IL4I1: variants seen among roughly 807,000 people sequenced by gnomAD.
IL4I1 encodes the protein L-amino-acid oxidase.
In IL4I1, 24 loss-of-function variants were observed where a neutral mutation model predicts 29.7. The ratio of observed to expected loss-of-function variants is 0.81; its 90% CI spans 0.59 to 1.14. The LOEUF (loss-of-function observed/expected upper bound fraction) is 1.14. Among genes scored for constraint, IL4I1 ranks in the 50% most tolerant of loss-of-function variants. The pLI is 0.00. For synonymous variants in IL4I1, 371 were observed against 352.5 expected (o/e 1.05, Z -0.59); for missense variants, 686 against 785.6 (o/e 0.87, Z 1.52).
At chr19:49,907,818 G>A (rs1034607016) in intron 2 of IL4I1, 6 of 333,324 alleles carry the variant, frequency 1.8e-5, no homozygotes, top group Admixed American at 4.7e-5. Flanking sequence ...TTACAGGGGT[G>A]AGCCACTGCG....
At chr19:49,900,133 G>A (rs551596321), upstream of IL4I1, among the ~76,000 whole-genome samples, 11 of 151,146 alleles carry the variant, frequency 7.3e-5, no homozygotes, top group South Asian at 2.1e-4. Context: ...CACTATGCCC[G>A]GCCCCTTTGA....
chr19:49,895,376 C>A (rs990974964), intron 3 of IL4I1, among the ~76,000 whole-genome samples, 196 bp from the exon 4 acceptor site: 1 of 152,196 alleles, frequency 6.6e-6, no homozygotes, highest in Non-Finnish European at 1.5e-5. Context: ...AGGAGGAAGG[C>A]TGCCAGCTAG....
chr19:49,912,175 T>C (rs2075482846), intron 2 of IL4I1, among the ~76,000 whole-genome samples: 1 of 150,350 alleles, frequency 6.7e-6, no homozygotes, highest in African/African-American at 2.4e-5. Context: ...CCTTTTTTTT[T>C]TTTTTTTTTT....
In IL4I1 at chr19:49,892,226, C is replaced by T. The variant is rs919619786; in HGVS notation, c.568-753G>A. ...CCTCCCAAGTAGCTGGGATTACAGG[C>T]GCCTGCCACCACACCTGGCTCATTT... On this transcript the variant is annotated intron_variant, in intron 5 of 7. Transcript: ENST00000391826. 5.3e-5 allele frequency among the ~76,000 whole-genome samples: 8 copies of T among 151,994 alleles called. No homozygotes were observed. In the South Asian group the frequency reaches 6.2e-4, roughly 12 times the overall value.
Position 49,890,963 on chromosome 19 carries a change from C to T in IL4I1, c.773+8G>A. 6.6e-7 allele frequency: 1 copy of T among 1,506,488 alleles called. No homozygotes were observed. The highest frequency in any genetic ancestry group is 8.9e-7 in the Non-Finnish European group (1 of 1,123,960). The allele number at this position is 1,506,488 out of a possible 1,614,324, so 93.3% of individuals were successfully genotyped here. On this transcript the variant is annotated splice_region_variant and intron_variant, in intron 7 of 7. Transcript: ENST00000391826. ...CCCCCCCCCCTGCCCGCCAGCCCCG[C>T]CCCTTACTGGAGTCTGTCGCTGAGG...
chr19:49,889,900 T>G lies in IL4I1; in HGVS notation c.1474A>C (p.Thr492Pro). 6.2e-7 allele frequency: 1 copy of G among 1,608,214 alleles called. No individual in the cohort carries two copies. Among genetic ancestry groups the G allele is most frequent in the Non-Finnish European group, 8.5e-7 (1 of 1,177,194 alleles). Reference protein sequence around the residue: ...HTAYPHGWVETAVKSALRAAI... With the variant: ...HTAYPHGWVEPAVKSALRAAI... ...GCGCGCAGCGCCGACTTGACCGCCG[T>G]CTCCACCCAGCCGTGCGGGTAGGCG... Residue 492 changes from threonine to proline, a missense_variant, in exon 8 of 8, where the codon ACG becomes CCG. Transcript: ENST00000391826.
At chr19:49,903,856 TG>T (rs2075292614) in intron 3 of IL4I1, among the ~76,000 whole-genome samples, 3 of 147,344 alleles carry the variant, frequency 2.0e-5, no homozygotes, top group Non-Finnish European at 3.0e-5. Flanking sequence ...TTTTTTTTTT[TG>T]AGACAGGGTC....
At chr19:49,909,264 G>A (rs749148238) in intron 2 of IL4I1, 2 of 1,614,114 alleles carry the variant, frequency 1.2e-6, no homozygotes, top group South Asian at 2.2e-5. Context: ...GGTGCCGTGG[G>A]CTGGGCTGAA....
chr19:49,891,312 G>T, intron 6 of IL4I1, 93 bp downstream of exon 6: 2 of 1,463,958 alleles, frequency 1.4e-6, no homozygotes, highest in Admixed American at 1.7e-5. Context: ...GGCAGGACTA[G>T]GGTGCCAGGT....
upstream of IL4I1, chr19:49,901,545 A>G (rs2075272014): frequency 2.1e-5 from 17 of 796,262 alleles, no homozygotes; most frequent in South Asian, 1.7e-4. Context: ...GAGTCCCCCA[A>G]TCTTTGGCCT....
At position 49,890,593 on chromosome 19, in the gene IL4I1, G is replaced by T. The variant is rs1454258160; in HGVS notation, c.781C>A (p.Arg261Ser). The change falls in exon 8 of 8, where the codon CGC becomes AGC. Residue 261 changes from arginine to serine, a missense_variant. Coordinates refer to ENST00000391826, the MANE Select transcript of IL4I1 (RefSeq NM_152899.2). The stretch of plus-strand genomic sequence containing the variant: ...AGCAGGTCCCAGCCACCCACGATGC[G>T]GCTGTACCTGCAGGCGGGGCGGGGC... Reference protein sequence around the residue: ...SCLSDRLQYSRIVGGWDLLPR... With the variant: ...SCLSDRLQYSSIVGGWDLLPR... The T allele has an allele frequency of 5.8e-6, 9 of 1,553,748 alleles. No individual in the cohort carries two copies. The highest frequency in any genetic ancestry group is 1.8e-5 in the Admixed American group (1 of 55,450).
intron 2 of IL4I1, among the ~76,000 whole-genome samples, chr19:49,925,222 T>C (rs187203914): frequency 6.4e-4 from 97 of 151,912 alleles, no homozygotes; most frequent in African/African-American, 2.2e-3. Flanking sequence ...GATGGCACCA[T>C]TGCACTCCAG....
intron 5 of IL4I1, among the ~76,000 whole-genome samples, chr19:49,891,948 A>G (rs543543267): frequency 1.3e-5 from 2 of 152,214 alleles, no homozygotes; most frequent in Admixed American, 1.3e-4. Flanking sequence ...CTGACAGGGC[A>G]TGATGGCTGA....
At position 49,889,830 on chromosome 19, in the gene IL4I1, G is replaced by A. The variant is rs755040253; in HGVS notation, c.1544C>T (p.Ala515Val). 1.3e-6 allele frequency: 2 copies of A among 1,569,742 alleles called. No individual in the cohort carries two copies. Among genetic ancestry groups the A allele is most frequent in the Non-Finnish European group, 1.7e-6 (2 of 1,157,116 alleles). The part of the protein sequence containing the change: ...NSRKGPASDT[A>V]SPEGHASDME... The stretch of plus-strand genomic sequence containing the variant: ...GTCAGATGCGTGCCCCTCGGGGCTG[G>A]CCGTGTCCGATGCAGGCCCCTTCCG... The change falls in exon 8 of 8, where the codon GCC becomes GTC. Residue 515 changes from alanine to valine, a missense_variant. Ala to Val is a moderately conservative substitution (Grantham distance 64, BLOSUM62 0). Coordinates refer to ENST00000391826, the MANE Select transcript of IL4I1 (RefSeq NM_152899.2).
chr19:49,894,357 C>T lies in IL4I1; in HGVS notation c.478G>A (p.Glu160Lys), dbSNP rs754061983. The T allele has an allele frequency of 8.7e-6, 14 of 1,614,236 alleles. No individual in the cohort carries two copies. Among genetic ancestry groups the T allele is most frequent in the Non-Finnish European group, 1.2e-5 (14 of 1,180,046 alleles). ...TAGCCCAGCTTCTCGGGCACCTTCT[C>T]CACCACATAGTTGCGCAGCTTCACT... is the stretch of plus-strand genomic sequence containing the variant. ...HEVKLRNYVVEKVPEKLGYAL... is the reference protein window; with the variant it reads ...HEVKLRNYVVKKVPEKLGYAL... Residue 160 changes from glutamate (E) to lysine (K), a missense_variant, in exon 5 of 8, where the codon GAG (glutamate) becomes AAG (lysine). By Grantham distance (56) the Glu-to-Lys change is moderately conservative. Transcript: ENST00000391826.
In IL4I1 at chr19:49,906,241, C is replaced by T. The variant is rs925219525; in HGVS notation, c.-227-1920G>A. On this transcript the variant is annotated intron_variant, in intron 2 of 9. Coordinates refer to the IL4I1 transcript ENST00000341114. ...GTATATTTTTTGAGACAGAGTCTTG[C>T]TCTGTCGCCCAGGCTGGAGTGCAGT... is the stretch of plus-strand genomic sequence containing the variant. Among the ~76,000 whole-genome samples, 21 of 151,966 alleles carry T rather than the reference C, an allele frequency of 1.4e-4. 1 individual carries two copies. The highest frequency in any genetic ancestry group is 1.3e-3 in the Admixed American group (20 of 15,266).
At chr19:49,916,763 CAAAAACAA>C (rs938734803) in intron 2 of IL4I1, among the ~76,000 whole-genome samples, 1 of 151,866 alleles carries the variant, frequency 6.6e-6, no homozygotes, top group African/African-American at 2.4e-5. Flanking sequence ...GACTCCGTCT[CAAAAACAA>C]AAAAACAAAA....
At chr19:49,908,505 T>G (rs1219920087) in intron 2 of IL4I1, 4 of 1,613,998 alleles carry the variant, frequency 2.5e-6, no homozygotes, top group Non-Finnish European at 3.4e-6. Flanking sequence ...TCAGCCAGCT[T>G]GTAGGTTTTC....
chr19:49,895,743 G>C, intron 3 of IL4I1, 72 bp downstream of exon 3: 4 of 880,174 alleles, frequency 4.5e-6, no homozygotes, highest in South Asian at 1.4e-5. Flanking sequence ...GAACGCGGCC[G>C]TGTCCCTGTG....
Sources: allele counts gnomAD v4.1 joint callset (sites outside exome capture counted in the v4.1 genomes callset), GRCh38; gene constraint gnomAD v4.1.1; transcripts MANE v1.5; gene names NCBI Gene and HGNC (gene_info 2026-07-23, HGNC 2026-07-21).